The following CDS1 variants were observed in gnomAD, a reference collection of about 807,000 sequenced individuals.
CDS1 encodes phosphatidate cytidylyltransferase 1.
CDS1 carries 41 observed loss-of-function variants against 62.1 expected under a neutral mutation model. That is an observed-to-expected ratio of 0.66 (90% CI 0.51 to 0.86). CDS1 has a LOEUF of 0.86. Among genes scored for constraint, CDS1 ranks in the 40% least tolerant of loss-of-function variants. The probability of loss-of-function intolerance (pLI) is 0.00; values close to 1 mark genes in which losing one functional copy is unlikely to be tolerated. For missense variants in CDS1, 470 were observed against 550.1 expected (o/e 0.85, Z 1.46); for synonymous variants, 185 against 192.6 (o/e 0.96, Z 0.32).
At chr4:84,597,827 T>G (rs1032513052) in intron 1 of CDS1, among the ~76,000 whole-genome samples, 4 of 151,958 alleles carry the variant, frequency 2.6e-5, no homozygotes, top group African/African-American at 9.7e-5. Flanking sequence ...TCCATGCCTG[T>G]ATGAAAACCA....
chr4:84,627,184 A>G (rs1303556873), intron 5 of CDS1, among the ~76,000 whole-genome samples: 1 of 152,224 alleles, frequency 6.6e-6, no homozygotes, highest in African/African-American at 2.4e-5. Flanking sequence ...AAGCAGAGAC[A>G]GTTCAAATTA....
chr4:84,617,462 G>T, intron 3 of CDS1, 102 bp from the exon 4 acceptor site: 1 of 649,680 alleles, frequency 1.5e-6, no homozygotes, highest in Non-Finnish European at 2.7e-6. Context: ...AACATTGGTA[G>T]ATTAAGATTT....
At chr4:84,617,924 A>C (rs973423423) in intron 4 of CDS1, among the ~76,000 whole-genome samples, 38 of 152,144 alleles carry the variant, frequency 2.5e-4, no homozygotes, top group Admixed American at 2.1e-3. Flanking sequence ...TTTTTTTAAT[A>C]AAAAACTAAA....
intron 1 of CDS1, among the ~76,000 whole-genome samples, chr4:84,599,315 T>C (rs747396939): frequency 1.5e-4 from 23 of 151,004 alleles, no homozygotes; most frequent in Non-Finnish European, 3.2e-4. Flanking sequence ...CATTGGAAAA[T>C]TGCACTTCAT....
At chr4:84,616,630 G>C (rs1321164868) in intron 3 of CDS1, among the ~76,000 whole-genome samples, 2 of 152,140 alleles carry the variant, frequency 1.3e-5, no homozygotes, top group Non-Finnish European at 2.9e-5. Context: ...ACAAGCCCTT[G>C]GGGTGTGTTC....
At chr4:84,589,452 T>G (rs565893900) in intron 1 of CDS1, among the ~76,000 whole-genome samples, 1 of 152,362 alleles carries the variant, frequency 6.6e-6, no homozygotes, top group South Asian at 2.1e-4. Context: ...ACATTTTCTA[T>G]AGTTTTTCAT....
At chr4:84,645,745 A>G (rs1296152647) in intron 12 of CDS1, among the ~76,000 whole-genome samples, 2 of 152,240 alleles carry the variant, frequency 1.3e-5, no homozygotes, top group Non-Finnish European at 2.9e-5. Flanking sequence ...GCAGAGAACA[A>G]AACAAACCAA....
chr4:84,620,798 T>C (rs1560475498), intron 5 of CDS1, among the ~76,000 whole-genome samples: 2 of 151,904 alleles, frequency 1.3e-5, no homozygotes, highest in East Asian at 3.9e-4. Flanking sequence ...TGGTGGCTCA[T>C]GCCTGTAATC....
chr4:84,640,125 T>TTA (rs927570954), intron 9 of CDS1, among the ~76,000 whole-genome samples: 6 of 147,642 alleles, frequency 4.1e-5, no homozygotes, highest in East Asian at 1.9e-4. Flanking sequence ...CTATATGAAA[T>TTA]TATATATATA....
At chr4:84,631,974 G>T in intron 6 of CDS1, 97 bp downstream of exon 6, 1 of 761,774 alleles carries the variant, frequency 1.3e-6, no homozygotes, top group Non-Finnish European at 2.3e-6. Flanking sequence ...TCTGCTAGCT[G>T]TTGTTTTGCA....
intron 9 of CDS1, 121 bp from the exon 10 acceptor site, chr4:84,640,717 G>A: frequency 1.4e-6 from 1 of 728,872 alleles, no homozygotes. Flanking sequence ...TTAAGACAAA[G>A]AAATTCTGGC....
At chr4:84,630,795 A>G (rs1161767849) in intron 5 of CDS1, among the ~76,000 whole-genome samples, 2 of 152,108 alleles carry the variant, frequency 1.3e-5, no homozygotes, top group Non-Finnish European at 2.9e-5. Flanking sequence ...ATAGAGCGAC[A>G]CTTGACTCAA....
chr4:84,620,511 C>A (rs7438419), intron 5 of CDS1, among the ~76,000 whole-genome samples: 1 of 151,060 alleles, frequency 6.6e-6, no homozygotes, highest in African/African-American at 2.4e-5. Flanking sequence ...CATGAGCCAC[C>A]GCGCCTGGCC....
intron 2 of CDS1, among the ~76,000 whole-genome samples, chr4:84,608,167 G>T (rs1723189602): frequency 1.3e-5 from 2 of 152,174 alleles, no homozygotes; most frequent in African/African-American, 4.8e-5. Flanking sequence ...AAAGGCCCAA[G>T]GATAAAGAAA....
intron 5 of CDS1, among the ~76,000 whole-genome samples, chr4:84,626,254 G>C (rs559337661): frequency 6.6e-6 from 1 of 152,258 alleles, no homozygotes; most frequent in South Asian, 2.1e-4. Flanking sequence ...TTTTATGACA[G>C]TCTATGAAAA....
chr4:84,642,035 A>G (rs1724399766), intron 10 of CDS1, among the ~76,000 whole-genome samples: 1 of 152,210 alleles, frequency 6.6e-6, no homozygotes, highest in Non-Finnish European at 1.5e-5. Flanking sequence ...AGGTCAAAAA[A>G]TGGATGTCTC....
At chr4:84,609,159 C>A (rs186576413) in intron 2 of CDS1, among the ~76,000 whole-genome samples, 2 of 131,036 alleles carry the variant, frequency 1.5e-5, no homozygotes, top group South Asian at 2.3e-4. Flanking sequence ...AGCCTGGGTG[C>A]GACAGAGCGA....
intron 2 of CDS1, among the ~76,000 whole-genome samples, chr4:84,605,522 A>G (rs1046837045): frequency 7.9e-5 from 12 of 152,154 alleles, no homozygotes; most frequent in Admixed American, 3.9e-4. Flanking sequence ...TTTAACCAAT[A>G]GAACATATCT....
At chr4:84,617,194 T>C (rs942836576) in intron 3 of CDS1, among the ~76,000 whole-genome samples, 6 of 152,196 alleles carry the variant, frequency 3.9e-5, no homozygotes, top group Admixed American at 3.3e-4. Context: ...AGAAACATAA[T>C]GGACAGGTTG....
Sources: gnomAD v4.1 joint callset for allele counts (sites outside exome capture counted in the v4.1 genomes callset) on GRCh38, gnomAD v4.1.1 for gene constraint, MANE v1.5 for transcripts, NCBI Gene and HGNC (gene_info 2026-07-23, HGNC 2026-07-21) for gene names.